The following KATNAL2 variants were observed in gnomAD, a reference collection of about 807,000 sequenced individuals.
KATNAL2 encodes katanin p60 ATPase-containing subunit A-like 2.
Under a neutral mutation model 76.3 loss-of-function variants are expected in KATNAL2, and 52 were observed. The observed-to-expected ratio is 0.68, with a 90% CI of 0.55 to 0.86. The LOEUF (loss-of-function observed/expected upper bound fraction) is 0.86. KATNAL2 is among the 40% of genes least tolerant of loss of function. The probability of loss-of-function intolerance (pLI) is 0.00; values close to 1 mark genes in which losing one functional copy is unlikely to be tolerated. For synonymous variants in KATNAL2, 243 were observed against 244.2 expected (o/e 1.00, Z 0.05); for missense variants, 660 against 668.9 (o/e 0.99, Z 0.15).
chr18:47,034,587 C>A (rs756635546), intron 3 of KATNAL2: 1 of 1,614,164 alleles, frequency 6.2e-7, no homozygotes, highest in Non-Finnish European at 8.5e-7. Context: ...ACGATTTGTG[C>A]CCCTTGCTGT....
At position 47,054,786 on chromosome 18, in the gene KATNAL2, G is replaced by A. The variant is rs8099500; in HGVS notation, c.332+348G>A. Among the ~76,000 whole-genome samples the A allele has an allele frequency of 9.7e-3, 1,470 of 152,274 alleles. 22 individuals carry two copies. Among genetic ancestry groups the A allele is most frequent in the African/African-American group, 0.032 (1,338 of 41,552 alleles). On this transcript the variant is annotated intron_variant, in intron 6 of 17. Coordinates refer to ENST00000683218, the MANE Select transcript of KATNAL2 (RefSeq NM_001387690.1). ...AGTTTTGGACACATAGTGAGTTCCT[G>A]GCACACAGTGAGCACCCAAGATATA... is the stretch of plus-strand genomic sequence containing the variant.
intron 15 of KATNAL2, among the ~76,000 whole-genome samples, chr18:47,093,401 C>CTTTT (rs557793941): frequency 5.5e-5 from 7 of 127,752 alleles, no homozygotes; most frequent in East Asian, 2.3e-4. Flanking sequence ...TTTCTCTGTC[C>CTTTT]TTTTTTTTTT....
At position 47,084,383 on chromosome 18, in the gene KATNAL2, A is replaced by G. The variant is rs1321782027; in HGVS notation, c.1211+6922A>G. 4.3e-6 allele frequency: 3 copies of G among 702,898 alleles called. No homozygotes were observed. The highest frequency in any genetic ancestry group is 7.8e-6 in the Non-Finnish European group (3 of 384,966). The allele number at this position is 702,898 out of a possible 1,614,324, so 43.5% of individuals were successfully genotyped here. ...GAAGAAGCTGTCCTCCCTGCCTGCA[A>G]TCAAGGTCTTGATTGTGCCTTCACT... is the stretch of plus-strand genomic sequence containing the variant. On this transcript the variant is annotated intron_variant, in intron 15 of 17. Transcript: ENST00000683218.
chr18:47,071,218 T>C (rs1005014631), intron 13 of KATNAL2, among the ~76,000 whole-genome samples: 3 of 152,192 alleles, frequency 2.0e-5, no homozygotes, highest in African/African-American at 7.2e-5. Flanking sequence ...CCGGCTCCTC[T>C]TGAACTCTTG....
At chr18:47,072,116 A>G (rs1052556918) in intron 13 of KATNAL2, among the ~76,000 whole-genome samples, 2 of 151,474 alleles carry the variant, frequency 1.3e-5, no homozygotes, top group Non-Finnish European at 2.9e-5. Flanking sequence ...GCCCCCCACC[A>G]TGCCTGGCTT....
chr18:47,043,110 C>T (rs1007629890), intron 3 of KATNAL2, among the ~76,000 whole-genome samples: 3 of 151,786 alleles, frequency 2.0e-5, no homozygotes, highest in African/African-American at 4.8e-5. Flanking sequence ...GTCTGTAGTC[C>T]CAGCTACTCG....
At chr18:46,933,639 A>T (rs905069907) in intron 1 of KATNAL2, among the ~76,000 whole-genome samples, 8 of 150,086 alleles carry the variant, frequency 5.3e-5, no homozygotes, top group Admixed American at 2.0e-4. Context: ...ATCTTTTTTT[A>T]AAATTTTATT....
intron 1 of KATNAL2, chr18:46,920,102 C>T (rs1329355379): frequency 7.8e-7 from 1 of 1,289,554 alleles, no homozygotes; most frequent in Admixed American, 2.3e-5. Flanking sequence ...CATTCTGCCC[C>T]TTCCTCAATG....
At chr18:47,033,477 T>C in intron 3 of KATNAL2, 1 of 1,614,184 alleles carries the variant, frequency 6.2e-7, no homozygotes, top group Non-Finnish European at 8.5e-7. Flanking sequence ...CCTGTGGCTT[T>C]TCTTCCTTGA....
rs762923418 is a variant in KATNAL2 at position 47,033,643 on chromosome 18, G to A, written c.52-12814G>A. ...CTCTCCCACGTCGCTGAGGGCGTCCGGATTGTTTCTAAGCACCTGGGCACA... is the reference window on the plus strand; with the variant it reads ...CTCTCCCACGTCGCTGAGGGCGTCCAGATTGTTTCTAAGCACCTGGGCACA... On this transcript the variant is annotated intron_variant, in intron 3 of 17. Coordinates refer to ENST00000683218, the MANE Select transcript of KATNAL2 (RefSeq NM_001387690.1). 64 of 1,614,058 alleles carry A rather than the reference G, an allele frequency of 4.0e-5. No individual in the cohort carries two copies. Among genetic ancestry groups the A allele is most frequent in the Non-Finnish European group, 5.0e-5 (59 of 1,180,054 alleles).
chr18:47,058,841 G>T (rs2061545010), intron 7 of KATNAL2, among the ~76,000 whole-genome samples: 1 of 152,136 alleles, frequency 6.6e-6, no homozygotes, highest in Admixed American at 6.5e-5. Flanking sequence ...CACATGGTCA[G>T]CCCTCACCCC....
At chr18:47,031,805 A>G (rs1296368437) in intron 3 of KATNAL2, among the ~76,000 whole-genome samples, 1 of 152,132 alleles carries the variant, frequency 6.6e-6, no homozygotes, top group African/African-American at 2.4e-5. Context: ...GGTTACTGGC[A>G]GTGTCACATC....
At chr18:47,077,785 A>T (rs886543062) in intron 15 of KATNAL2, among the ~76,000 whole-genome samples, 3 of 152,258 alleles carry the variant, frequency 2.0e-5, no homozygotes, top group African/African-American at 7.2e-5. Flanking sequence ...TCCAGGACTC[A>T]AATAATATTC....
chr18:46,951,844 C>T (rs1313492350), intron 3 of KATNAL2, among the ~76,000 whole-genome samples: 2 of 152,118 alleles, frequency 1.3e-5, no homozygotes, highest in Non-Finnish European at 2.9e-5. Flanking sequence ...GACCTTGGCT[C>T]ACTGTAACCT....
intron 3 of KATNAL2, among the ~76,000 whole-genome samples, chr18:46,955,977 T>A (rs962657360): frequency 1.3e-5 from 2 of 152,196 alleles, no homozygotes; most frequent in Admixed American, 6.5e-5. Flanking sequence ...GTACAAAGAA[T>A]CCTACTAGTT....
intron 3 of KATNAL2, chr18:47,033,309 A>G (rs2060575266): frequency 1.9e-6 from 3 of 1,613,528 alleles, no homozygotes; most frequent in Admixed American, 1.7e-5. Context: ...TTGAAGTATC[A>G]TAAGGCGTCT....
At chr18:46,934,350 C>T (rs529551957) in intron 1 of KATNAL2, among the ~76,000 whole-genome samples, 42 of 152,130 alleles carry the variant, frequency 2.8e-4, no homozygotes, top group Admixed American at 7.2e-4. Context: ...CTAACTGGTG[C>T]GAGATGGTAT....
At chr18:46,965,581 G>GCA (rs2060096472) in intron 3 of KATNAL2, among the ~76,000 whole-genome samples, 2 of 73,874 alleles carry the variant, frequency 2.7e-5, no homozygotes, top group African/African-American at 1.1e-4. Context: ...TAGCATCCCC[G>GCA]CCCCCCCCCC....
chr18:47,036,135 G>A (rs1288563308), intron 3 of KATNAL2, among the ~76,000 whole-genome samples: 1 of 152,112 alleles, frequency 6.6e-6, no homozygotes, highest in Non-Finnish European at 1.5e-5. Context: ...ACTGGGTGCC[G>A]TTTGCAGAAT....
Sources: gnomAD v4.1 joint callset for allele counts (sites outside exome capture counted in the v4.1 genomes callset) on GRCh38, gnomAD v4.1.1 for gene constraint, MANE v1.5 for transcripts, NCBI Gene and HGNC (gene_info 2026-07-23, HGNC 2026-07-21) for gene names.